Variants in NPEPPS observed in about 807,000 individuals in gnomAD.
NPEPPS encodes the protein aminopeptidase puromycin sensitive.
NPEPPS carries 14 observed loss-of-function variants against 115.5 expected under a neutral mutation model. That is an observed-to-expected ratio of 0.12 (90% confidence interval 0.08 to 0.19). The LOEUF (loss-of-function observed/expected upper bound fraction) is 0.19. NPEPPS is among the 10% of genes least tolerant of loss of function. The pLI is 1.00. For synonymous variants in NPEPPS, 285 were observed against 390.6 expected (o/e 0.73, Z 3.19); for missense variants, 523 against 1,110.8 (o/e 0.47, Z 7.52).
intron 3 of NPEPPS, among the ~76,000 whole-genome samples, chr17:47,572,879 G>A (rs914424959): frequency 6.6e-6 from 1 of 152,176 alleles, no homozygotes; most frequent in African/African-American, 2.4e-5. Context: ...GGGTTCCAGT[G>A]ATTCTCCTGC....
chr17:47,558,871 A>T (rs1910240931), intron 2 of NPEPPS, among the ~76,000 whole-genome samples: 1 of 152,048 alleles, frequency 6.6e-6, no homozygotes, highest in Non-Finnish European at 1.5e-5. Flanking sequence ...TGTCTCTACT[A>T]AAAATACAAA....
At chr17:47,600,051 C>T (rs1308810032) in intron 14 of NPEPPS, among the ~76,000 whole-genome samples, 2 of 152,108 alleles carry the variant, frequency 1.3e-5, no homozygotes, top group East Asian at 1.9e-4. Context: ...AACTCCTGAC[C>T]TCGAGATCCG....
At chr17:47,617,575 T>C (rs763134441) in intron 19 of NPEPPS, among the ~76,000 whole-genome samples, 151 of 150,880 alleles carry the variant, frequency 1.0e-3, no homozygotes, top group Non-Finnish European at 1.9e-3. Flanking sequence ...GTTTATGATA[T>C]ATTCTTAAAA....
intron 3 of NPEPPS, among the ~76,000 whole-genome samples, chr17:47,575,923 T>C (rs1369173097): frequency 6.6e-5 from 10 of 152,004 alleles, no homozygotes; most frequent in South Asian, 6.2e-4. Flanking sequence ...TATTGAATTA[T>C]TTAATATCTG....
intron 5 of NPEPPS, among the ~76,000 whole-genome samples, 161 bp downstream of exon 5, chr17:47,583,010 C>CTTT (rs745447996): frequency 2.2e-5 from 3 of 135,144 alleles, no homozygotes; most frequent in Non-Finnish European, 4.8e-5. Context: ...CTTTTTCTTT[C>CTTT]TTTTTTTTTT....
intron 17 of NPEPPS, among the ~76,000 whole-genome samples, chr17:47,609,647 G>A (rs1281631797): frequency 6.6e-6 from 1 of 151,906 alleles, no homozygotes; most frequent in South Asian, 2.1e-4. Flanking sequence ...CATGACTTTC[G>A]GCAAACACAT....
At chr17:47,595,262 C>T (rs569823788) in intron 12 of NPEPPS, among the ~76,000 whole-genome samples, 1 of 151,932 alleles carries the variant, frequency 6.6e-6, no homozygotes, top group African/African-American at 2.4e-5. Flanking sequence ...GATGGGGTGT[C>T]TCCATGTTGG....
At chr17:47,563,657 G>A (rs1190115846) in intron 2 of NPEPPS, among the ~76,000 whole-genome samples, 1 of 151,298 alleles carries the variant, frequency 6.6e-6, no homozygotes, top group African/African-American at 2.4e-5. Flanking sequence ...TGCAAGCTCC[G>A]CCTCCCGAGT....
chr17:47,558,995 G>A (rs1255021698), intron 2 of NPEPPS, among the ~76,000 whole-genome samples: 4 of 150,878 alleles, frequency 2.7e-5, no homozygotes, highest in Admixed American at 6.6e-5. Flanking sequence ...CCGAGATTGC[G>A]CCATTGCATT....
intron 4 of NPEPPS, chr17:47,581,859 T>A (rs4060747): frequency 6.6e-6 from 1 of 151,842 alleles, no homozygotes; most frequent in African/African-American, 2.4e-5. Flanking sequence ...CCATGCCTGG[T>A]TTATTTTTGT....
intron 17 of NPEPPS, among the ~76,000 whole-genome samples, chr17:47,609,857 G>T (rs1167380978): frequency 6.6e-6 from 1 of 152,124 alleles, no homozygotes; most frequent in Admixed American, 6.5e-5. Flanking sequence ...CTCACTCAGC[G>T]TAGTGTTTCT....
chr17:47,541,723 T>C (rs929585473), intron 1 of NPEPPS, among the ~76,000 whole-genome samples: 27 of 152,294 alleles, frequency 1.8e-4, no homozygotes, highest in Admixed American at 6.5e-4. Flanking sequence ...AGAATTCTTT[T>C]TGTTTTTTTG....
chr17:47,599,095 CTG>C (rs1206524858), intron 13 of NPEPPS, among the ~76,000 whole-genome samples: 2 of 152,184 alleles, frequency 1.3e-5, no homozygotes, highest in African/African-American at 2.4e-5. Flanking sequence ...TGATTATGAT[CTG>C]TTTCTCACTT....
chr17:47,585,093 C>T (rs1453037283), intron 5 of NPEPPS, among the ~76,000 whole-genome samples: 3 of 152,276 alleles, frequency 2.0e-5, no homozygotes, highest in East Asian at 3.9e-4. Context: ...TCCCAAAGTG[C>T]TGGTATTACA....
intron 2 of NPEPPS, among the ~76,000 whole-genome samples, chr17:47,549,670 C>T (rs1909491695): frequency 6.7e-6 from 1 of 149,536 alleles, no homozygotes; most frequent in Non-Finnish European, 1.5e-5. Context: ...ATTCCAGCTA[C>T]TTGGGAGGCT....
intron 2 of NPEPPS, among the ~76,000 whole-genome samples, chr17:47,546,629 C>T (rs1344272930): frequency 2.0e-5 from 3 of 152,092 alleles, no homozygotes; most frequent in Non-Finnish European, 4.4e-5. Flanking sequence ...ATCTCTGCCT[C>T]GTGGGTTCAA....
At chr17:47,533,485 CATT>C (rs774854483) in intron 1 of NPEPPS, among the ~76,000 whole-genome samples, 3 of 151,666 alleles carry the variant, frequency 2.0e-5, no homozygotes, top group Non-Finnish European at 4.4e-5. Flanking sequence ...AATGAGTTCG[CATT>C]ATGTGAAAAG....
chr17:47,583,936 ATAGGCCAGGC>A (rs1912036141), intron 5 of NPEPPS, among the ~76,000 whole-genome samples: 1 of 147,858 alleles, frequency 6.8e-6, no homozygotes, highest in Non-Finnish European at 1.5e-5. Context: ...AAAAAAAAAA[ATAGGCCAGGC>A]ATGGTGGCTC....
chr17:47,558,581 T>C lies in NPEPPS; in HGVS notation c.341-10836T>C, dbSNP rs3968308. 2.0e-5 allele frequency among the ~76,000 whole-genome samples: 3 copies of C among 150,348 alleles called. No homozygotes were observed. In the South Asian group the frequency reaches 6.3e-4, roughly 32 times the overall value. ...AGTAGCTGGGATTACATGCGCCTGC[T>C]ACCACGCCTGGCTAATTTTTGTGTT... On this transcript the variant is annotated intron_variant, in intron 2 of 22. Coordinates refer to ENST00000322157, the MANE Select transcript of NPEPPS (RefSeq NM_006310.4).
Sources: gnomAD v4.1 joint callset for allele counts (sites outside exome capture counted in the v4.1 genomes callset) on GRCh38, gnomAD v4.1.1 for gene constraint, MANE v1.5 for transcripts, NCBI Gene and HGNC (gene_info 2026-07-23, HGNC 2026-07-21) for gene names.